OLFM3: variants seen among roughly 807,000 people sequenced by gnomAD.
OLFM3 encodes the protein olfactomedin 3.
Under a neutral mutation model 48.6 loss-of-function variants are expected in OLFM3, and 20 were observed. That is an observed-to-expected ratio of 0.41 (90% CI 0.29 to 0.60). The LOEUF is 0.60. OLFM3 is among the 20% of genes least tolerant of loss of function. The pLI, the probability that OLFM3 is intolerant of heterozygous loss-of-function variation, is 0.28. For synonymous variants in OLFM3, 222 were observed against 198.1 expected, an observed-to-expected ratio of 1.12 and a Z score of -1.01; for missense variants, 437 against 544.3, an observed-to-expected ratio of 0.80 and a Z score of 1.96.
intron 2 of OLFM3, 122 bp from the exon 3 acceptor site, chr1:101,830,949 C>A: frequency 1.4e-6 from 1 of 715,818 alleles, no homozygotes; most frequent in African/African-American, 1.8e-5. Context: ...ACTGGGTTCC[C>A]ATATGACACA....
chr1:101,910,040 C>T (rs976463905), intron 1 of OLFM3: 1 of 984,044 alleles, frequency 1.0e-6, no homozygotes, highest in Admixed American at 6.1e-5. Flanking sequence ...CCTCACCTTT[C>T]CCCTCCATTC....
intron 4 of OLFM3, among the ~76,000 whole-genome samples, chr1:101,808,950 G>A (rs1373809981): frequency 2.0e-5 from 3 of 150,420 alleles, no homozygotes; most frequent in African/African-American, 2.4e-5. Context: ...TATTGTAAAA[G>A]GAAAACACAA....
At chr1:101,813,113 C>T in intron 4 of OLFM3, 1 of 1,288,848 alleles carries the variant, frequency 7.8e-7, no homozygotes, top group Non-Finnish European at 1.0e-6. Context: ...TTTCTGTTGC[C>T]TTTTTTCTTC....
intron 1 of OLFM3, among the ~76,000 whole-genome samples, chr1:101,871,382 C>A (rs1052036172): frequency 6.6e-6 from 1 of 152,092 alleles, no homozygotes; most frequent in Admixed American, 6.6e-5. Flanking sequence ...CCCAGGTCAT[C>A]ATTCACTTTT....
In OLFM3 at chr1:101,954,315, T is replaced by G. The variant is rs142371396; in HGVS notation, c.69+42433A>C. ...CATTGTAAAAGGATTTACTTCAAAT[T>G]TACATGTAGGAATGTATAATTTCTT... On this transcript the variant is annotated intron_variant, in intron 1 of 5. Coordinates refer to ENST00000370103, the MANE Select transcript of OLFM3 (RefSeq NM_058170.4). Among the ~76,000 whole-genome samples, 69 of 152,228 alleles carry G rather than the reference T, an allele frequency of 4.5e-4. No individual in the cohort carries two copies. In the East Asian group the frequency reaches 0.013, roughly 29 times the overall value.
intron 1 of OLFM3, among the ~76,000 whole-genome samples, chr1:101,848,343 A>G (rs969501019): frequency 6.6e-6 from 1 of 152,190 alleles, no homozygotes; most frequent in Admixed American, 6.5e-5. Flanking sequence ...TATTTTTCTT[A>G]AATAGTTTTG....
At chr1:101,982,713 C>T (rs1450976971) in intron 1 of OLFM3, among the ~76,000 whole-genome samples, 1 of 152,170 alleles carries the variant, frequency 6.6e-6, no homozygotes, top group African/African-American at 2.4e-5. Flanking sequence ...CTTGGCTATC[C>T]CTTTTTTCCT....
chr1:101,870,868 A>G (rs753095471), intron 1 of OLFM3, among the ~76,000 whole-genome samples: 2 of 152,082 alleles, frequency 1.3e-5, no homozygotes, highest in African/African-American at 2.4e-5. Context: ...AAATTTTCCA[A>G]GCTACCTTTA....
intron 1 of OLFM3, among the ~76,000 whole-genome samples, chr1:101,849,782 T>A (rs560086139): frequency 1.1e-4 from 17 of 152,292 alleles, no homozygotes; most frequent in African/African-American, 4.1e-4. Flanking sequence ...TGTGACGCAG[T>A]GGAAATTACC....
chr1:101,930,095 C>T (rs963786462), intron 1 of OLFM3, among the ~76,000 whole-genome samples: 1 of 152,106 alleles, frequency 6.6e-6, no homozygotes, highest in Non-Finnish European at 1.5e-5. Context: ...CCGTTTAATC[C>T]TTTCCTTTGT....
chr1:101,949,802 C>A (rs889335065), intron 1 of OLFM3, among the ~76,000 whole-genome samples: 8 of 151,836 alleles, frequency 5.3e-5, no homozygotes, highest in African/African-American at 1.9e-4. Context: ...TCGTGGTGGG[C>A]ACCTGTAGTC....
At chr1:101,945,124 A>G (rs187047502) in intron 1 of OLFM3, among the ~76,000 whole-genome samples, 78 of 152,316 alleles carry the variant, frequency 5.1e-4, no homozygotes, top group Non-Finnish European at 9.6e-4. Context: ...ATAAATAAAT[A>G]TACATATACC....
chr1:101,822,118 G>A (rs1288237918), intron 4 of OLFM3, among the ~76,000 whole-genome samples: 1 of 152,092 alleles, frequency 6.6e-6, no homozygotes, highest in Non-Finnish European at 1.5e-5. Context: ...AATATCGGAA[G>A]AGGCTATATT....
chr1:101,864,712 A>G (rs1174726863), intron 1 of OLFM3, among the ~76,000 whole-genome samples: 2 of 152,186 alleles, frequency 1.3e-5, no homozygotes, highest in Non-Finnish European at 2.9e-5. Context: ...ATCAAGAGAC[A>G]GTGTGGTTGA....
intron 1 of OLFM3, among the ~76,000 whole-genome samples, chr1:101,844,358 G>T (rs966373580): frequency 5.9e-5 from 9 of 152,144 alleles, no homozygotes; most frequent in African/African-American, 2.2e-4. Flanking sequence ...GAAAGAAGAA[G>T]AATCCAGGGA....
chr1:101,813,819 T>A (rs1212778193), intron 4 of OLFM3, among the ~76,000 whole-genome samples: 2 of 152,160 alleles, frequency 1.3e-5, no homozygotes. Flanking sequence ...GTCAAATCCT[T>A]TGGGTAAACT....
intron 1 of OLFM3, among the ~76,000 whole-genome samples, chr1:101,866,807 C>T (rs980449206): frequency 3.9e-5 from 6 of 152,000 alleles, no homozygotes; most frequent in Non-Finnish European, 7.4e-5. Context: ...AAGTATGACT[C>T]GGTAATGGAA....
intron 1 of OLFM3, among the ~76,000 whole-genome samples, chr1:101,903,236 T>G (rs979579005): frequency 6.6e-6 from 1 of 152,020 alleles, no homozygotes; most frequent in African/African-American, 2.4e-5. Flanking sequence ...GAGTGGCTAA[T>G]TGAAAGCACA....
At chr1:101,834,991 A>C (rs1655331078) in intron 2 of OLFM3, among the ~76,000 whole-genome samples, 1 of 152,138 alleles carries the variant, frequency 6.6e-6, no homozygotes, top group Admixed American at 6.5e-5. Context: ...ACTTTATTTT[A>C]ATTTTTTCAA....
Sources: allele counts gnomAD v4.1 joint callset (sites outside exome capture counted in the v4.1 genomes callset), GRCh38; gene constraint gnomAD v4.1.1; transcripts MANE v1.5; gene names NCBI Gene and HGNC (gene_info 2026-07-23, HGNC 2026-07-21).